VTI1A: variants seen among roughly 807,000 people sequenced by gnomAD.
VTI1A encodes the protein vesicle transport through interaction with t-SNAREs homolog 1A.
In VTI1A, 22 loss-of-function variants were observed where a neutral mutation model predicts 34.9. That is an observed-to-expected ratio of 0.63 (90% CI 0.45 to 0.90). VTI1A has a LOEUF of 0.90. Among genes scored for constraint, VTI1A ranks in the 40% least tolerant of loss-of-function variants. The pLI is 0.00. For missense variants in VTI1A, 268 were observed against 275.6 expected (o/e 0.97, Z 0.20); for synonymous variants, 87 against 97.3 (o/e 0.89, Z 0.62).
intron 3 of VTI1A, among the ~76,000 whole-genome samples, chr10:112,511,401 G>A (rs1044874052): frequency 2.6e-5 from 4 of 151,836 alleles, no homozygotes; most frequent in Non-Finnish European, 5.9e-5. Context: ...GTACCACCAC[G>A]CCCAGCTGAT....
chr10:112,552,703 C>A (rs1455633851), intron 5 of VTI1A, among the ~76,000 whole-genome samples: 1 of 151,680 alleles, frequency 6.6e-6, no homozygotes, highest in African/African-American at 2.4e-5. Flanking sequence ...TGTGAATTTT[C>A]TTACTACAAT....
intron 7 of VTI1A, among the ~76,000 whole-genome samples, chr10:112,731,603 A>G (rs1850264822): frequency 6.6e-6 from 1 of 151,930 alleles, no homozygotes; most frequent in Non-Finnish European, 1.5e-5. Context: ...TGCATAAAAC[A>G]GCATACATGA....
intron 3 of VTI1A, among the ~76,000 whole-genome samples, chr10:112,499,297 C>T (rs930421029): frequency 6.6e-6 from 1 of 152,118 alleles, no homozygotes; most frequent in African/African-American, 2.4e-5. Context: ...GATTCCCTCC[C>T]TCCTTCTTGA....
intron 5 of VTI1A, among the ~76,000 whole-genome samples, chr10:112,655,150 C>G (rs1308893158): frequency 3.9e-5 from 6 of 152,190 alleles, no homozygotes; most frequent in Non-Finnish European, 5.9e-5. Flanking sequence ...CCCATACACA[C>G]CCGTACTGAA....
chr10:112,766,719 G>A (rs1851658422), intron 7 of VTI1A, among the ~76,000 whole-genome samples: 1 of 152,198 alleles, frequency 6.6e-6, no homozygotes, highest in African/African-American at 2.4e-5. Flanking sequence ...TTTAGCAAGG[G>A]TGCTGGAAAA....
chr10:112,792,474 C>T (rs552059975), intron 7 of VTI1A, among the ~76,000 whole-genome samples: 24 of 152,132 alleles, frequency 1.6e-4, no homozygotes, highest in Admixed American at 2.0e-4. Context: ...GTACCACACT[C>T]TTCCCCAAAT....
intron 7 of VTI1A, among the ~76,000 whole-genome samples, chr10:112,718,008 G>A (rs1849670110): frequency 6.6e-6 from 1 of 152,028 alleles, no homozygotes; most frequent in South Asian, 2.1e-4. Flanking sequence ...AGGCCTCAGT[G>A]CACACACACA....
At chr10:112,663,989 A>T (rs1847555281) in intron 5 of VTI1A, among the ~76,000 whole-genome samples, 1 of 152,214 alleles carries the variant, frequency 6.6e-6, no homozygotes, top group Non-Finnish European at 1.5e-5. Context: ...TAGTTGTGTA[A>T]CTGTGAATGT....
rs1371991759 is a variant in VTI1A, at chr10:112,814,533, G to A, written c.561-757G>A. Among the ~76,000 whole-genome samples, 7 of 152,278 alleles carry A rather than the reference G, an allele frequency of 4.6e-5. No homozygotes were observed. The East Asian group carries it at 1.4e-3, about 29-fold the overall frequency. ...TCTCTGCAGGCATCTGGGAGCGTGT[G>A]TCTCCACTCTGGTCCCCCTTCTAAG... On this transcript the variant is annotated intron_variant, in intron 7 of 7. Transcript: ENST00000393077.
intron 5 of VTI1A, among the ~76,000 whole-genome samples, chr10:112,667,747 C>G (rs1050604622): frequency 6.6e-6 from 1 of 150,996 alleles, no homozygotes; most frequent in Non-Finnish European, 1.5e-5. Context: ...AGTAGGTGAG[C>G]ATATGAGGAT....
rs116262757 is a variant in VTI1A at position 112,768,860 on chromosome 10, G to A, written c.561-46430G>A. Among the ~76,000 whole-genome samples, 354 of 152,232 alleles carry A rather than the reference G, an allele frequency of 2.3e-3. 2 individuals are homozygous for A. Among genetic ancestry groups the A allele is most frequent in the African/African-American group, 8.1e-3 (337 of 41,520 alleles). ...ACTCAAATGGTTCTCAATGAAATAT[G>A]CGTTTATGCAGACAAACAGAGAATG... On this transcript the variant is annotated intron_variant, in intron 7 of 7. Transcript: ENST00000393077.
Position 112,696,635 on chromosome 10 carries a change from A to G in VTI1A, c.560+27637A>G, listed in dbSNP as rs1441522978. 2.0e-5 allele frequency among the ~76,000 whole-genome samples: 3 copies of G among 152,278 alleles called. No homozygotes were observed. The East Asian group carries it at 5.8e-4, about 29-fold the overall frequency. The stretch of plus-strand genomic sequence containing the variant: ...GAAAACCTATGAGCAACTTTCCTCT[A>G]TTATTTCCTTGGTCAGATTCTGTTT... On this transcript the variant is annotated intron_variant, in intron 7 of 7. Coordinates refer to ENST00000393077, the MANE Select transcript of VTI1A (RefSeq NM_145206.4).
chr10:112,699,314 T>C (rs1848907803), intron 7 of VTI1A, among the ~76,000 whole-genome samples: 2 of 152,100 alleles, frequency 1.3e-5, no homozygotes, highest in South Asian at 2.1e-4. Context: ...GTTCTGGAGG[T>C]TGGGAAATTT....
At position 112,767,526 on chromosome 10, in the gene VTI1A, T is replaced by C. The variant is rs1352291527; in HGVS notation, c.561-47764T>C. On this transcript the variant is annotated intron_variant, in intron 7 of 7. Coordinates refer to ENST00000393077, the MANE Select transcript of VTI1A (RefSeq NM_145206.4). The surrounding 1 kb of genome is among the most constrained non-coding windows in gnomAD (Gnocchi z 4.0). ...AAGGAGAGAAACCATTCTAGTGTAT[T>C]TGTGCTAGTTCTGAAAACAGGAGGG... Among the ~76,000 whole-genome samples, 1 of 152,200 alleles carries C rather than the reference T, an allele frequency of 6.6e-6. No individual in the cohort carries two copies. Among genetic ancestry groups the C allele is most frequent in the Non-Finnish European group, 1.5e-5 (1 of 68,032 alleles).
At chr10:112,732,962 C>T (rs568390779) in intron 7 of VTI1A, among the ~76,000 whole-genome samples, 1 of 152,170 alleles carries the variant, frequency 6.6e-6, no homozygotes, top group Non-Finnish European at 1.5e-5. Context: ...CCTCCAATTC[C>T]AAGGCTATCA....
chr10:112,618,392 G>T (rs1397161892), intron 5 of VTI1A, among the ~76,000 whole-genome samples: 1 of 149,620 alleles, frequency 6.7e-6, no homozygotes, highest in Non-Finnish European at 1.5e-5. Context: ...ATCATCCTTA[G>T]GTGCAAAGCT....
intron 3 of VTI1A, among the ~76,000 whole-genome samples, chr10:112,485,532 A>G (rs1721689405): frequency 6.6e-6 from 1 of 152,254 alleles, no homozygotes; most frequent in Non-Finnish European, 1.5e-5. Context: ...TATTAAGACC[A>G]AACTAATAAA....
At chr10:112,628,849 G>A (rs548293873) in intron 5 of VTI1A, among the ~76,000 whole-genome samples, 1 of 151,634 alleles carries the variant, frequency 6.6e-6, no homozygotes, top group South Asian at 2.1e-4. Flanking sequence ...TTAGTATTTT[G>A]GTGTATATCC....
chr10:112,492,788 C>CAAA, intron 3 of VTI1A, among the ~76,000 whole-genome samples: 1 of 144,956 alleles, frequency 6.9e-6, no homozygotes, highest in Non-Finnish European at 1.5e-5. Context: ...AAAAAAAAAG[C>CAAA]AAAAAAAAAA....
Sources: gnomAD v4.1 joint callset for allele counts (sites outside exome capture counted in the v4.1 genomes callset) on GRCh38, gnomAD v4.1.1 for gene constraint, Gnocchi (gnomAD v3.1) non-coding constraint, MANE v1.5 for transcripts, NCBI Gene and HGNC (gene_info 2026-07-23, HGNC 2026-07-21) for gene names.